FHIP2A: variants seen among roughly 807,000 people sequenced by gnomAD.
The protein encoded by FHIP2A is FHF complex subunit HOOK interacting protein 2A, also known as family with sequence similarity 160 member B1.
In FHIP2A, 46 loss-of-function variants were observed where a neutral mutation model predicts 93.5. The observed-to-expected ratio is 0.49, with a 90% CI of 0.39 to 0.63. The LOEUF (loss-of-function observed/expected upper bound fraction) is 0.63. FHIP2A is among the 20% of genes least tolerant of loss of function. The pLI, the probability that FHIP2A is intolerant of heterozygous loss-of-function variation, is 0.00. For missense variants in FHIP2A, 769 were observed against 909.7 expected (o/e 0.85, Z 1.99); for synonymous variants, 332 against 326.5 (o/e 1.02, Z -0.18).
intron 16 of FHIP2A, among the ~76,000 whole-genome samples, chr10:114,870,957 C>T (rs991255319): frequency 1.9e-4 from 29 of 151,916 alleles, no homozygotes; most frequent in Non-Finnish European, 3.1e-4. Context: ...CTTCCTTTGA[C>T]GTTATTGTTC....
chr10:114,878,674 G>A (rs1456978096), intron 16 of FHIP2A, among the ~76,000 whole-genome samples: 1 of 151,844 alleles, frequency 6.6e-6, no homozygotes, highest in Non-Finnish European at 1.5e-5. Flanking sequence ...AGCTACTTGG[G>A]AGGCTGAGGC....
chr10:114,888,163 C>T (rs2083952413), intron 16 of FHIP2A, among the ~76,000 whole-genome samples: 1 of 152,250 alleles, frequency 6.6e-6, no homozygotes, highest in Non-Finnish European at 1.5e-5. Context: ...TTTGCTCCTT[C>T]AGGCTTAGGG....
chr10:114,835,106 CAT>C (rs1404350925), intron 3 of FHIP2A, among the ~76,000 whole-genome samples: 1 of 134,958 alleles, frequency 7.4e-6, no homozygotes, highest in Non-Finnish European at 1.7e-5. Context: ...TTTACTCCTA[CAT>C]ATATATGATG....
intron 2 of FHIP2A, among the ~76,000 whole-genome samples, chr10:114,832,799 C>T (rs2083615177): frequency 6.6e-6 from 1 of 151,518 alleles, no homozygotes; most frequent in Non-Finnish European, 1.5e-5. Context: ...GCAGCCTCCA[C>T]CTCCCAGGTT....
intron 14 of FHIP2A, among the ~76,000 whole-genome samples, chr10:114,856,968 G>A (rs2083770442): frequency 6.6e-6 from 1 of 152,122 alleles, no homozygotes; most frequent in African/African-American, 2.4e-5. Flanking sequence ...GGGTGCAACT[G>A]TAGTCCCAGC....
At position 114,843,828 on chromosome 10, in the gene FHIP2A, A is replaced by T; in HGVS notation, c.904A>T (p.Ser302Cys). The change falls in exon 7 of 17, where the codon AGC becomes TGC. Residue 302 changes from serine to cysteine, a missense_variant. Ser to Cys is a moderately radical substitution (Grantham distance 112). Transcript: ENST00000369248. ...EPAAAKCLTQ[S>C]TCLCELLTDR... ...TGCGGCTGCAAAGTGCCTTACACAGAGCACTTGCTTGTGTGAACTACTGAC... is the reference window on the plus strand; with the variant it reads ...TGCGGCTGCAAAGTGCCTTACACAGTGCACTTGCTTGTGTGAACTACTGAC... 1.2e-6 allele frequency: 2 copies of T among 1,611,798 alleles called. No individual in the cohort carries two copies. The highest frequency in any genetic ancestry group is 1.7e-6 in the Non-Finnish European group (2 of 1,179,434).
chr10:114,846,330 A>G lies in FHIP2A; in HGVS notation c.1361A>G (p.His454Arg), dbSNP rs1173580717. 1.9e-6 allele frequency: 3 copies of G among 1,614,200 alleles called. No individual in the cohort carries two copies. Among genetic ancestry groups the G allele is most frequent in the African/African-American group, 2.7e-5 (2 of 75,076 alleles). Residue 454 changes from histidine (H) to arginine (R), a missense_variant, in exon 10 of 17, where the codon CAT becomes CGT. His to Arg is a conservative substitution (Grantham distance 29). Coordinates refer to ENST00000369248, the MANE Select transcript of FHIP2A (RefSeq NM_020940.4). ...GAAATCAGCAGACATCCTTTAAGGC[A>G]TAGGTTAATTGAACATTGTGATCAC... ...LAEISRHPLR[H>R]RLIEHCDHIS...
chr10:114,838,851 A>G (rs1275612546), intron 5 of FHIP2A, among the ~76,000 whole-genome samples: 2 of 152,210 alleles, frequency 1.3e-5, no homozygotes, highest in Non-Finnish European at 1.5e-5. Flanking sequence ...CAGTGTTTTT[A>G]TGACATATTT....
Position 114,839,162 on chromosome 10 carries a change from G to C in FHIP2A, c.522+2916G>C, listed in dbSNP as rs554730976. ...CCTTTTTTTTTGAGATAGTCTGACT[G>C]TGTCACCCAGGCCGTAGTGCAGTGG... On this transcript the variant is annotated intron_variant, in intron 5 of 16. Coordinates refer to ENST00000369248, the MANE Select transcript of FHIP2A (RefSeq NM_020940.4). Among the ~76,000 whole-genome samples the C allele has an allele frequency of 4.6e-5, 7 of 152,106 alleles. No individual in the cohort carries two copies. In the East Asian group the frequency reaches 1.4e-3, roughly 29 times the overall value.
Position 114,822,010 on chromosome 10 carries a change from G to C in FHIP2A, c.-69G>C, listed in dbSNP as rs2083527481. ...GGAGCGGCCCCGGCAGCCGCAGCAG[G>C]GGCGGCGGCGGCGGATCGAGGAGCT... On this transcript the variant is annotated 5_prime_UTR_variant, in exon 1 of 17. Transcript: ENST00000369248. The C allele has an allele frequency of 1.9e-6, 2 of 1,054,074 alleles. No individual in the cohort carries two copies. The highest frequency in any genetic ancestry group is 2.5e-6 in the Non-Finnish European group (2 of 814,880). The allele number at this position is 1,054,074 out of a possible 1,614,324, so 65.3% of individuals were successfully genotyped here.
chr10:114,897,969 G>T (rs964750876), intron 16 of FHIP2A, among the ~76,000 whole-genome samples: 2 of 152,154 alleles, frequency 1.3e-5, no homozygotes, highest in Non-Finnish European at 2.9e-5. Flanking sequence ...GGGATTGTGT[G>T]TTTCCTTATT....
intron 10 of FHIP2A, 63 bp downstream of exon 10, chr10:114,846,430 T>A: frequency 6.7e-7 from 1 of 1,483,350 alleles, no homozygotes; most frequent in Non-Finnish European, 9.2e-7. Flanking sequence ...TAATGTATTA[T>A]ACTTCAGATA....
rs889443161 is a variant in FHIP2A at position 114,863,981 on chromosome 10, T to G, written c.*2441T>G. 3 of 1,066,382 alleles carry G rather than the reference T, an allele frequency of 2.8e-6. No individual in the cohort carries two copies. The African/African-American group carries it at 5.1e-5, about 18-fold the overall frequency. The allele number at this position is 1,066,382 out of a possible 1,614,324, so 66.1% of individuals were successfully genotyped here. On this transcript the variant is annotated 3_prime_UTR_variant, in exon 17 of 17. Transcript: ENST00000369248. Reference sequence around the variant, plus strand: ...TACTTGATAGAACTCAGATTTGTCTTAGCCTATTGCCATATAGTACTCACC... The same window carrying G: ...TACTTGATAGAACTCAGATTTGTCTGAGCCTATTGCCATATAGTACTCACC...
Position 114,846,272 on chromosome 10 carries a change from C to T in FHIP2A, c.1303C>T (p.Leu435Phe), listed in dbSNP as rs2083700481. 1 of 1,613,952 alleles carries T rather than the reference C, an allele frequency of 6.2e-7. No individual in the cohort carries two copies. The highest frequency in any genetic ancestry group is 1.3e-5 in the African/African-American group (1 of 74,914). Residue 435 changes from leucine (L) to phenylalanine (F), a missense_variant, in exon 10 of 17, where the codon CTT becomes TTT. By Grantham distance (22) the Leu-to-Phe change is conservative. Coordinates refer to ENST00000369248, the MANE Select transcript of FHIP2A (RefSeq NM_020940.4). ...VLLQEMVFFI[L>F]GEQREPETLA... ...GCTTCAAGAAATGGTGTTTTTTATC[C>T]TTGGAGAACAGAGGGAACCAGAAAC...
At position 114,842,925 on chromosome 10, in the gene FHIP2A, C is replaced by A; in HGVS notation, c.523-8C>A. ...TGTGAATTTTATAAAACATATATTCCTTTTCAGAATAAGATGAAATCATTG... is the reference window on the plus strand; with the variant it reads ...TGTGAATTTTATAAAACATATATTCATTTTCAGAATAAGATGAAATCATTG... On this transcript the variant is annotated splice_region_variant and splice_polypyrimidine_tract_variant and intron_variant, in intron 5 of 16. Transcript: ENST00000369248. The A allele has an allele frequency of 1.9e-6, 3 of 1,553,978 alleles. No individual in the cohort carries two copies. The highest frequency in any genetic ancestry group is 8.8e-7 in the Non-Finnish European group (1 of 1,135,564).
At chr10:114,886,110 G>A (rs1417937906) in intron 16 of FHIP2A, among the ~76,000 whole-genome samples, 1 of 152,174 alleles carries the variant, frequency 6.6e-6, no homozygotes, top group Non-Finnish European at 1.5e-5. Flanking sequence ...ACAGGAGGAG[G>A]AGGAGGAATT....
intron 1 of FHIP2A, among the ~76,000 whole-genome samples, chr10:114,826,597 G>A (rs1012765344): frequency 6.6e-6 from 1 of 152,160 alleles, no homozygotes; most frequent in Non-Finnish European, 1.5e-5. Context: ...GATTGGAGTT[G>A]TTATAGAAGG....
intron 13 of FHIP2A, 137 bp from the exon 14 acceptor site, chr10:114,855,060 C>A: frequency 2.5e-6 from 2 of 794,608 alleles, no homozygotes; most frequent in Non-Finnish European, 2.0e-6. Context: ...ATCTCTTCCC[C>A]CTCTCCCTTG....
intron 16 of FHIP2A, among the ~76,000 whole-genome samples, chr10:114,881,434 G>T (rs1056246252): frequency 3.9e-5 from 6 of 152,116 alleles, no homozygotes; most frequent in Admixed American, 3.9e-4. Context: ...GGCAGACAGG[G>T]CTTCATTAGC....
Sources: gnomAD v4.1 joint callset for allele counts (sites outside exome capture counted in the v4.1 genomes callset) on GRCh38, gnomAD v4.1.1 for gene constraint, MANE v1.5 for transcripts, NCBI Gene and HGNC (gene_info 2026-07-23, HGNC 2026-07-21) for gene names.